MAGI2: variants seen among roughly 807,000 people sequenced by gnomAD.
The protein encoded by MAGI2 is membrane-associated guanylate kinase, WW and PDZ domain-containing protein 2.
Under a neutral mutation model 133.3 loss-of-function variants are expected in MAGI2, and 35 were observed. The observed-to-expected ratio is 0.26, with a 90% CI of 0.20 to 0.35. The LOEUF is 0.35. MAGI2 is among the 10% of genes least tolerant of loss of function. The probability of loss-of-function intolerance (pLI) is 1.00; values close to 1 mark genes in which losing one functional copy is unlikely to be tolerated. For missense variants in MAGI2, 1,636 were observed against 1,863.4 expected (o/e 0.88, Z 2.25); for synonymous variants, 729 against 710.6 (o/e 1.03, Z -0.41).
chr7:79,170,779 A>T (rs1347847345), intron 1 of MAGI2, among the ~76,000 whole-genome samples: 1 of 152,078 alleles, frequency 6.6e-6, no homozygotes, highest in Non-Finnish European at 1.5e-5. Context: ...GTCAGCTGGG[A>T]TAAGGGGTTT....
chr7:79,356,223 T>C (rs763583998), intron 1 of MAGI2, among the ~76,000 whole-genome samples: 1 of 152,180 alleles, frequency 6.6e-6, no homozygotes, highest in Non-Finnish European at 1.5e-5. Context: ...ATATCACATG[T>C]ATTATAGAGC....
At chr7:78,333,841 C>A (rs1789484258) in intron 9 of MAGI2, among the ~76,000 whole-genome samples, 1 of 152,182 alleles carries the variant, frequency 6.6e-6, no homozygotes, top group South Asian at 2.1e-4. Context: ...GAGACAGCGA[C>A]CTGCCTGATC....
At chr7:78,683,258 G>A (rs1815893365) in intron 2 of MAGI2, among the ~76,000 whole-genome samples, 1 of 152,130 alleles carries the variant, frequency 6.6e-6, no homozygotes, top group South Asian at 2.1e-4. Context: ...GACCTATTTA[G>A]AGGCTATTGC....
chr7:79,090,055 T>C (rs1270133232), intron 1 of MAGI2, among the ~76,000 whole-genome samples: 1 of 152,078 alleles, frequency 6.6e-6, no homozygotes, highest in Admixed American at 6.6e-5. Context: ...AGAAGATTTT[T>C]ATGCCAGAGA....
intron 3 of MAGI2, among the ~76,000 whole-genome samples, chr7:78,575,312 A>G (rs1277327412): frequency 2.0e-5 from 3 of 150,170 alleles, no homozygotes; most frequent in Non-Finnish European, 4.4e-5. Flanking sequence ...GGCAAAAACT[A>G]TGATTACTTT....
At chr7:78,928,891 T>C (rs1053910621) in intron 2 of MAGI2, among the ~76,000 whole-genome samples, 6 of 152,096 alleles carry the variant, frequency 3.9e-5, no homozygotes, top group African/African-American at 1.4e-4. Flanking sequence ...ATTTTCCTCC[T>C]GTATTGAGGT....
At chr7:78,569,859 T>G (rs1388716580) in intron 3 of MAGI2, among the ~76,000 whole-genome samples, 1 of 152,210 alleles carries the variant, frequency 6.6e-6, no homozygotes, top group Non-Finnish European at 1.5e-5. Flanking sequence ...TTTCATCATT[T>G]AAAATCTTAA....
At chr7:78,684,266 T>G (rs1043129701) in intron 2 of MAGI2, among the ~76,000 whole-genome samples, 2 of 152,176 alleles carry the variant, frequency 1.3e-5, no homozygotes, top group African/African-American at 4.8e-5. Context: ...TTAATTACTA[T>G]AAGCCTTCTA....
intron 3 of MAGI2, among the ~76,000 whole-genome samples, chr7:78,582,035 G>T (rs1802889495): frequency 6.6e-6 from 1 of 152,142 alleles, no homozygotes; most frequent in South Asian, 2.1e-4. Flanking sequence ...TTTATAACTT[G>T]CTTTAGCAGA....
At chr7:79,011,578 T>C (rs1409059449) in intron 1 of MAGI2, among the ~76,000 whole-genome samples, 1 of 152,120 alleles carries the variant, frequency 6.6e-6, no homozygotes. Context: ...TATAAACTTT[T>C]ATCAGTGTAA....
At chr7:79,424,060 G>T (rs1269531014) in intron 1 of MAGI2, among the ~76,000 whole-genome samples, 1 of 152,030 alleles carries the variant, frequency 6.6e-6, no homozygotes, top group African/African-American at 2.4e-5. Flanking sequence ...GCACATCAGA[G>T]AAAACAAATT....
chr7:78,052,070 C>T (rs2151111012), intron 21 of MAGI2, among the ~76,000 whole-genome samples: 1 of 152,122 alleles, frequency 6.6e-6, no homozygotes, highest in East Asian at 1.9e-4. Flanking sequence ...GGAGTTTTGC[C>T]ATGCTGCCCA....
chr7:78,775,576 T>C (rs372430257), intron 2 of MAGI2, among the ~76,000 whole-genome samples: 11 of 152,102 alleles, frequency 7.2e-5, no homozygotes, highest in Admixed American at 3.9e-4. Context: ...TTTATCTATT[T>C]TATCTGTAAC....
At chr7:78,854,875 GA>G in intron 2 of MAGI2, among the ~76,000 whole-genome samples, 1 of 148,324 alleles carries the variant, frequency 6.7e-6, no homozygotes, top group East Asian at 2.0e-4. Context: ...TTTTATTCTT[GA>G]GACGGAGTCT....
chr7:78,143,718 C>A (rs2189798), intron 16 of MAGI2, among the ~76,000 whole-genome samples: 1 of 151,894 alleles, frequency 6.6e-6, no homozygotes, highest in Non-Finnish European at 1.5e-5. Flanking sequence ...ATGTCATTCC[C>A]AAACTAACCT....
intron 10 of MAGI2, among the ~76,000 whole-genome samples, chr7:78,217,000 T>A (rs1360127752): frequency 6.6e-6 from 1 of 152,168 alleles, no homozygotes; most frequent in Non-Finnish European, 1.5e-5. Flanking sequence ...TGCCTTCATC[T>A]TCACAGACAT....
intron 21 of MAGI2, among the ~76,000 whole-genome samples, chr7:78,023,195 T>TCA (rs1808582815): frequency 6.6e-6 from 1 of 152,188 alleles, no homozygotes; most frequent in African/African-American, 2.4e-5. Flanking sequence ...ATCACCTGCC[T>TCA]CAGCAAGGTG....
chr7:79,234,643 A>T (rs1585279179), intron 1 of MAGI2, among the ~76,000 whole-genome samples: 1 of 151,800 alleles, frequency 6.6e-6, no homozygotes, highest in Admixed American at 6.6e-5. Context: ...TTTCAGCTCC[A>T]TCAGCTCCTT....
intron 3 of MAGI2, among the ~76,000 whole-genome samples, chr7:78,521,906 A>G (rs2150587071): frequency 6.6e-6 from 1 of 152,298 alleles, no homozygotes; most frequent in South Asian, 2.1e-4. Flanking sequence ...AAACCAAAAT[A>G]TAGTCTTATG....
Sources: allele counts gnomAD v4.1 joint callset (sites outside exome capture counted in the v4.1 genomes callset), GRCh38; gene constraint gnomAD v4.1.1; transcripts MANE v1.5; gene names NCBI Gene and HGNC (gene_info 2026-07-23, HGNC 2026-07-21).